KDM4C: variants seen among roughly 807,000 people sequenced by gnomAD.
KDM4C encodes lysine-specific demethylase 4C.
KDM4C carries 81 observed loss-of-function variants against 129.3 expected under a neutral mutation model. That is an observed-to-expected ratio of 0.63 (90% CI 0.52 to 0.75). KDM4C has a LOEUF of 0.75. Among genes scored for constraint, KDM4C ranks in the 30% least tolerant of loss-of-function variants. The pLI, the probability that KDM4C is intolerant of heterozygous loss-of-function variation, is 0.00. For synonymous variants in KDM4C, 573 were observed against 456.1 expected (o/e 1.26, Z -3.26); for missense variants, 1,457 against 1,304.0 (o/e 1.12, Z -1.81).
chr9:7,091,701 A>G (rs963932423), intron 17 of KDM4C, among the ~76,000 whole-genome samples: 3 of 152,228 alleles, frequency 2.0e-5, no homozygotes, highest in Admixed American at 1.3e-4. Flanking sequence ...ACATAGACTG[A>G]GAATATTGAG....
intron 19 of KDM4C, among the ~76,000 whole-genome samples, chr9:7,135,640 T>A (rs559695008): frequency 6.6e-6 from 1 of 152,296 alleles, no homozygotes; most frequent in Admixed American, 6.5e-5. Flanking sequence ...CATGGGGGAT[T>A]CAGAGATGTG....
chr9:6,735,039 G>C (rs1817482108), intron 1 of KDM4C: 1 of 483,496 alleles, frequency 2.1e-6, no homozygotes. Flanking sequence ...AGTTTCTCAT[G>C]GGTGGTCAAA....
chr9:6,800,193 G>C (rs1385261972), intron 2 of KDM4C, among the ~76,000 whole-genome samples: 1 of 152,044 alleles, frequency 6.6e-6, no homozygotes, highest in Non-Finnish European at 1.5e-5. Flanking sequence ...ATGGTGAAAT[G>C]CTGTCTCTAC....
At chr9:6,887,142 T>C (rs996778376) in intron 6 of KDM4C, among the ~76,000 whole-genome samples, 2 of 152,222 alleles carry the variant, frequency 1.3e-5, no homozygotes, top group Non-Finnish European at 2.9e-5. Context: ...GTTTTTCCAA[T>C]CCCTTCAGCA....
At chr9:6,955,133 C>G (rs1051314043) in intron 8 of KDM4C, among the ~76,000 whole-genome samples, 1 of 152,172 alleles carries the variant, frequency 6.6e-6, no homozygotes, top group Non-Finnish European at 1.5e-5. Context: ...TGGTGAAAGC[C>G]TTTGGGCTTC....
At chr9:6,761,684 A>G (rs1759579290) in intron 1 of KDM4C, among the ~76,000 whole-genome samples, 4 of 152,030 alleles carry the variant, frequency 2.6e-5, no homozygotes, top group Admixed American at 2.6e-4. Flanking sequence ...ATATTCACTT[A>G]TTTGCTCTAT....
intron 5 of KDM4C, among the ~76,000 whole-genome samples, chr9:6,858,440 G>A (rs7021986): frequency 0.73 from 111,539 of 151,908 alleles, 41,319 homozygotes; most frequent in African/African-American, 0.77. Flanking sequence ...AAACCAGAAT[G>A]TTTACCCAAC....
chr9:7,156,247 A>T (rs568988700), intron 19 of KDM4C, among the ~76,000 whole-genome samples: 2 of 152,294 alleles, frequency 1.3e-5, no homozygotes, highest in South Asian at 4.1e-4. Context: ...TAGATTCTGG[A>T]TATCAGCCCT....
intron 17 of KDM4C, among the ~76,000 whole-genome samples, chr9:7,084,320 C>G (rs1414598390): frequency 2.0e-5 from 3 of 152,154 alleles, no homozygotes; most frequent in Non-Finnish European, 2.9e-5. Context: ...TTAAGCAAGA[C>G]CTGGAGCAGA....
intron 5 of KDM4C, among the ~76,000 whole-genome samples, chr9:6,861,752 A>G (rs1398234792): frequency 6.6e-6 from 1 of 151,478 alleles, no homozygotes; most frequent in African/African-American, 2.4e-5. Flanking sequence ...GCATAAAGTT[A>G]CTTTACAATA....
chr9:6,859,305 G>A (rs2130406608), intron 5 of KDM4C, among the ~76,000 whole-genome samples: 1 of 151,912 alleles, frequency 6.6e-6, no homozygotes, highest in South Asian at 2.1e-4. Context: ...GTGAAACCCT[G>A]TCTCTGCTAA....
At chr9:6,817,678 T>G (rs1456090789) in intron 4 of KDM4C, among the ~76,000 whole-genome samples, 1 of 151,938 alleles carries the variant, frequency 6.6e-6, no homozygotes, top group Non-Finnish European at 1.5e-5. Flanking sequence ...AAGTAGTATA[T>G]GTACATGTAG....
intron 1 of KDM4C, among the ~76,000 whole-genome samples, chr9:6,777,070 C>T (rs370290518): frequency 3.3e-5 from 5 of 152,138 alleles, no homozygotes; most frequent in East Asian, 1.9e-4. Context: ...ATTTTCATCC[C>T]CTACCCCCAA....
At chr9:6,760,687 C>T (rs1056346553) in intron 1 of KDM4C, among the ~76,000 whole-genome samples, 3 of 152,116 alleles carry the variant, frequency 2.0e-5, no homozygotes, top group African/African-American at 4.8e-5. Context: ...TCTCCTGCCT[C>T]AGCCTCCTGA....
At chr9:7,009,173 G>C (rs897625262) in intron 12 of KDM4C, among the ~76,000 whole-genome samples, 1 of 152,204 alleles carries the variant, frequency 6.6e-6, no homozygotes, top group Non-Finnish European at 1.5e-5. Flanking sequence ...AACAAGTTGA[G>C]AATTTCAACA....
chr9:6,950,042 GTTTT>G (rs35466020), intron 8 of KDM4C, among the ~76,000 whole-genome samples: 1 of 122,634 alleles, frequency 8.2e-6, no homozygotes. Context: ...CATGTGGCTG[GTTTT>G]TTTTTTTTTT....
At chr9:6,984,666 G>A (rs1563932276) in intron 10 of KDM4C, among the ~76,000 whole-genome samples, 1 of 147,702 alleles carries the variant, frequency 6.8e-6, no homozygotes, top group African/African-American at 2.5e-5. Context: ...TCTAAAATGA[G>A]TTTTTTTTTT....
At position 6,955,106 on chromosome 9, in the gene KDM4C, C is replaced by T. The variant is rs116596179; in HGVS notation, c.922-25819C>T. Among the ~76,000 whole-genome samples, 799 of 152,280 alleles carry T rather than the reference C, an allele frequency of 5.2e-3. 4 individuals are homozygous for T. Among genetic ancestry groups the T allele is most frequent in the African/African-American group, 0.018 (754 of 41,564 alleles). Reference sequence around the variant, plus strand: ...GCATCTCCTGGGAGCATAAAAGGTCCATTGCTGGTTACTGGATGGTGAAAG... The same window carrying T: ...GCATCTCCTGGGAGCATAAAAGGTCTATTGCTGGTTACTGGATGGTGAAAG... On this transcript the variant is annotated intron_variant, in intron 8 of 21. Transcript: ENST00000381309.
intron 1 of KDM4C, among the ~76,000 whole-genome samples, chr9:6,760,761 A>G (rs1030464416): frequency 6.7e-6 from 1 of 149,458 alleles, no homozygotes; most frequent in Non-Finnish European, 1.5e-5. Context: ...TTTAGTAGAG[A>G]TGGGGTTTCA....
Sources: allele counts gnomAD v4.1 joint callset (sites outside exome capture counted in the v4.1 genomes callset), GRCh38; gene constraint gnomAD v4.1.1; transcripts MANE v1.5; gene names NCBI Gene and HGNC (gene_info 2026-07-23, HGNC 2026-07-21).